Variants in EEF1G observed in about 807,000 individuals in gnomAD.
EEF1G encodes eukaryotic translation elongation factor 1 gamma, also known as elongation factor 1-gamma.
EEF1G carries 14 observed loss-of-function variants against 58.3 expected under a neutral mutation model. The observed-to-expected ratio is 0.24, with a 90% CI of 0.16 to 0.38. The LOEUF (loss-of-function observed/expected upper bound fraction) is 0.38, where lower values mean the gene tolerates loss of function less well. Ranked by LOEUF, EEF1G falls within the 10% of genes least tolerant of loss-of-function variation. EEF1G has a pLI of 1.00. For synonymous variants in EEF1G, 180 were observed against 206.8 expected (o/e 0.87, Z 1.11); for missense variants, 322 against 550.1 (o/e 0.59, Z 4.15).
chr11:62,572,697 T>C lies in EEF1G; in HGVS notation c.58A>G (p.Ile20Val), dbSNP rs780270066. The C allele has an allele frequency of 5.0e-6, 8 of 1,613,432 alleles. No homozygotes were observed. In the African/African-American group the frequency reaches 8.0e-5, roughly 16 times the overall value. The change falls in exon 2 of 10, where the codon ATC (isoleucine) becomes GTC (valine). Residue 20 changes from isoleucine (I) to valine (V), a missense_variant. Ile to Val is a conservative substitution (Grantham distance 29). Coordinates refer to ENST00000329251, the MANE Select transcript of EEF1G (RefSeq NM_001404.5). ...TGAGCCCCGCTGTACTGAGCAGCGA[T>C]GAGAGCCTTGAAGGCCCTCCAGTTT... ...PENWRAFKAL[I>V]AAQYSGAQVR...
In EEF1G at chr11:62,559,987, T is replaced by C. The variant is rs368300542; in HGVS notation, c.1155+82A>G. ...AAGCATTCCTGAACCCTCCTAAACA[T>C]CCATCAACTCAGAAATAAAACACAG... is the stretch of plus-strand genomic sequence containing the variant. On this transcript the variant is annotated intron_variant, in intron 9 of 9. Transcript: ENST00000329251. 3,432 of 1,607,884 alleles carry C rather than the reference T, an allele frequency of 2.1e-3. 89 individuals carry two copies. In the South Asian group the frequency reaches 0.036, roughly 17 times the overall value.
intron 5 of EEF1G, among the ~76,000 whole-genome samples, chr11:62,570,201 A>T (rs574419456): frequency 4.0e-4 from 61 of 151,916 alleles, no homozygotes; most frequent in African/African-American, 1.4e-3. Context: ...AGCTGGGATT[A>T]CAGGCTCCTA....
intron 5 of EEF1G, among the ~76,000 whole-genome samples, chr11:62,568,579 T>C (rs957933313): frequency 1.3e-5 from 2 of 152,056 alleles, no homozygotes; most frequent in African/African-American, 4.8e-5. Flanking sequence ...TCCAGTTTAA[T>C]GGATGGATGC....
chr11:62,560,313 A>C lies in EEF1G; in HGVS notation c.999T>G (p.Thr333=). ...YSEYRFPEEL[T]QTFMSCNLIT... ...TGAGATTGCAGCTCATGAAGGTCTG[A>C]GTGAGTTCTTCAGGGAAGCGATACT... Residue 333 remains threonine, a synonymous_variant, in exon 8 of 10, where the codon ACT becomes ACG. Coordinates refer to ENST00000329251, the MANE Select transcript of EEF1G (RefSeq NM_001404.5). The C allele has an allele frequency of 2.5e-6, 4 of 1,612,842 alleles. No individual in the cohort carries two copies. The highest frequency in any genetic ancestry group is 3.4e-6 in the Non-Finnish European group (4 of 1,179,354).
rs781472642 is a variant in EEF1G at position 62,560,079 on chromosome 11, A to G, written c.1145T>C (p.Leu382Pro). 1.9e-6 allele frequency: 3 copies of G among 1,613,988 alleles called. No homozygotes were observed. Among genetic ancestry groups the G allele is most frequent in the Non-Finnish European group, 2.5e-6 (3 of 1,179,880 alleles). ...CTCCACCTTCCTCACCGGAAAGGCA[A>G]GCTCCTGGCCTCGGAAGACCCAGAC... ...SGVWVFRGQELAFPLSPDWQV... is the reference protein window; with the variant it reads ...SGVWVFRGQEPAFPLSPDWQV... Residue 382 changes from leucine to proline, a missense_variant, in exon 9 of 10, where the codon CTT (leucine) becomes CCT (proline). Transcript: ENST00000329251.
At chr11:62,572,915 A>G (rs1254473694) in intron 1 of EEF1G, 173 bp from the exon 2 acceptor site, 2 of 554,198 alleles carry the variant, frequency 3.6e-6, no homozygotes, top group Non-Finnish European at 6.1e-6. Flanking sequence ...CCTCCGAAAT[A>G]CCAAGAACAG....
rs1941481264 is a variant in EEF1G at position 62,560,472 on chromosome 11, C to T, written c.858-18G>A. 1 of 1,606,026 alleles carries T rather than the reference C, an allele frequency of 6.2e-7. No homozygotes were observed. The highest frequency in any genetic ancestry group is 1.3e-5 in the African/African-American group (1 of 74,800). On this transcript the variant is annotated intron_variant, in intron 7 of 9. Coordinates refer to ENST00000329251, the MANE Select transcript of EEF1G (RefSeq NM_001404.5). ...CAAAGGTACTAAGAGGAAGAAAGCA[C>T]AGGGGTCAATCAATAAGGAGGAAGG...
intron 7 of EEF1G, among the ~76,000 whole-genome samples, chr11:62,562,420 C>CAT (rs112476526): frequency 1.4e-3 from 211 of 150,284 alleles, no homozygotes; most frequent in South Asian, 0.011. Flanking sequence ...TATACATACA[C>CAT]ATATATATAT....
intron 5 of EEF1G, among the ~76,000 whole-genome samples, chr11:62,569,024 C>T (rs1800764509): frequency 6.6e-6 from 1 of 151,674 alleles, no homozygotes; most frequent in Admixed American, 6.6e-5. Flanking sequence ...GACTTTTTTG[C>T]CAAATAAAAT....
At position 62,573,824 on chromosome 11, in the gene EEF1G, A is replaced by AACTT. The variant is rs777516967; in HGVS notation, c.12+3_12+6dup. On this transcript the variant is annotated splice_region_variant and intron_variant, in intron 1 of 9. Coordinates refer to ENST00000329251, the MANE Select transcript of EEF1G (RefSeq NM_001404.5). ...ATGACCCGAACCACCAGAGCCAGCAAACTTACCCCAGCCGCCATGGTGATT... is the reference window on the plus strand; with the variant it reads ...ATGACCCGAACCACCAGAGCCAGCAAACTTACTTACCCCAGCCGCCATGGTGATT... 7 of 1,613,746 alleles carry AACTT rather than the reference A, an allele frequency of 4.3e-6. No homozygotes were observed. Among genetic ancestry groups the AACTT allele is most frequent in the Non-Finnish European group, 5.9e-6 (7 of 1,179,830 alleles).
At chr11:62,562,381 A>ATG (rs2134290392) in intron 7 of EEF1G, among the ~76,000 whole-genome samples, 1 of 152,196 alleles carries the variant, frequency 6.6e-6, no homozygotes, top group African/African-American at 2.4e-5. Flanking sequence ...CAGGTACAAC[A>ATG]TGTGTGTGTA....
chr11:62,561,682 C>CAAAAAAAAA (rs58957254), intron 7 of EEF1G, among the ~76,000 whole-genome samples: 1 of 124,608 alleles, frequency 8.0e-6, no homozygotes, highest in African/African-American at 2.9e-5. Context: ...AAAAAAAAAA[C>CAAAAAAAAA]AAAAAAAAAA....
At chr11:62,560,226 G>T in intron 8 of EEF1G, 33 bp from the exon 9 acceptor site, 2 of 1,613,982 alleles carry the variant, frequency 1.2e-6, no homozygotes, top group Non-Finnish European at 8.5e-7. Context: ...TCAGCCTTTG[G>T]AATCACAGCA....
At chr11:62,573,763 C>T in intron 1 of EEF1G, 68 bp downstream of exon 1, 2 of 1,606,390 alleles carry the variant, frequency 1.2e-6, no homozygotes, top group Non-Finnish European at 1.7e-6. Context: ...CTGGCGCCGA[C>T]TGGCCCCACT....
chr11:62,560,410 T>C lies in EEF1G; in HGVS notation c.902A>G (p.Asp301Gly), dbSNP rs768287095. 4.3e-6 allele frequency: 7 copies of C among 1,609,962 alleles called. No homozygotes were observed. Among genetic ancestry groups the C allele is most frequent in the Non-Finnish European group, 5.9e-6 (7 of 1,178,072 alleles). The change falls in exon 8 of 10, where the codon GAC (aspartate) becomes GGC (glycine). Residue 301 changes from aspartate (D) to glycine (G), a missense_variant. By Grantham distance (94) the Asp-to-Gly change is moderately conservative. Around this residue, in one of 3 missense-constraint regions of EEF1G, gnomAD observed 208 missense variants for 323.7 expected, o/e 0.64. Transcript: ENST00000329251. ...DEFKRKYSNE[D>G]TLSVALPYFW... The stretch of plus-strand genomic sequence containing the variant: ...ATATGGCAGTGCCACAGAGAGTGTG[T>C]CCTCATTGGAGTACTTGCGCTTAAA...
At chr11:62,569,770 ATGAGGCCCC>A (rs1472508034) in intron 5 of EEF1G, among the ~76,000 whole-genome samples, 1 of 152,198 alleles carries the variant, frequency 6.6e-6, no homozygotes, top group Non-Finnish European at 1.5e-5. Flanking sequence ...GATGATCCCC[ATGAGGCCCC>A]TGGCACAGGG....
intron 5 of EEF1G, among the ~76,000 whole-genome samples, chr11:62,568,176 G>A (rs999020603): frequency 3.3e-5 from 5 of 149,684 alleles, no homozygotes; most frequent in Admixed American, 1.3e-4. Flanking sequence ...TGCAGTGAGC[G>A]GAGATCGCGG....
chr11:62,572,115 GAAT>G (rs1277101089), intron 2 of EEF1G, among the ~76,000 whole-genome samples: 1 of 152,010 alleles, frequency 6.6e-6, no homozygotes, highest in Non-Finnish European at 1.5e-5. Flanking sequence ...CAATAGATTT[GAAT>G]ATTACAGGAT....
intron 7 of EEF1G, among the ~76,000 whole-genome samples, chr11:62,565,526 A>T (rs1384124592): frequency 6.6e-6 from 1 of 152,150 alleles, no homozygotes; most frequent in Non-Finnish European, 1.5e-5. Context: ...TAAGTTTACT[A>T]CTGCCTCATT....
Sources: gnomAD v4.1 joint callset for allele counts (sites outside exome capture counted in the v4.1 genomes callset) on GRCh38, gnomAD v4.1.1 for gene constraint, gnomAD v4.1.1 regional missense constraint, MANE v1.5 for transcripts, NCBI Gene and HGNC (gene_info 2026-07-23, HGNC 2026-07-21) for gene names.